ASXL2: variants seen among roughly 807,000 people sequenced by gnomAD.
ASXL2 encodes putative Polycomb group protein ASXL2.
ASXL2 carries 23 observed loss-of-function variants against 122.0 expected under a neutral mutation model. That is an observed-to-expected ratio of 0.19 (90% CI 0.14 to 0.27). The LOEUF is 0.27. ASXL2 is among the 10% of genes least tolerant of loss of function. The probability of loss-of-function intolerance (pLI) is 1.00; values close to 1 mark genes in which losing one functional copy is unlikely to be tolerated. For synonymous variants in ASXL2, 650 were observed against 637.0 expected (o/e 1.02, Z -0.31); for missense variants, 1,518 against 1,713.8 (o/e 0.89, Z 2.02).
chr2:25,777,219 C>G (rs575360787), intron 5 of ASXL2, among the ~76,000 whole-genome samples: 1 of 152,244 alleles, frequency 6.6e-6, no homozygotes, highest in South Asian at 2.1e-4. Context: ...TCCTGAGTAG[C>G]TGGGACCACA....
At chr2:25,782,735 A>C (rs2088665798) in intron 5 of ASXL2, among the ~76,000 whole-genome samples, 1 of 152,298 alleles carries the variant, frequency 6.6e-6, no homozygotes, top group South Asian at 2.1e-4. Context: ...TTGAGCATAA[A>C]ATTTATTCAA....
intron 3 of ASXL2, among the ~76,000 whole-genome samples, chr2:25,823,868 T>C (rs1171265076): frequency 1.3e-5 from 2 of 152,182 alleles, no homozygotes; most frequent in African/African-American, 2.4e-5. Context: ...TCTGGCTTAC[T>C]GTAATTTTTA....
chr2:25,855,643 G>A (rs1379169750), intron 1 of ASXL2, among the ~76,000 whole-genome samples: 2 of 151,984 alleles, frequency 1.3e-5, no homozygotes, highest in Non-Finnish European at 2.9e-5. Context: ...TCCAGGCTGG[G>A]CGACAGAGTG....
At chr2:25,877,271 A>G (rs1349682241) in intron 1 of ASXL2, among the ~76,000 whole-genome samples, 1 of 152,208 alleles carries the variant, frequency 6.6e-6, no homozygotes, top group African/African-American at 2.4e-5. Context: ...TCAACGATGT[A>G]TGAACTTCAC....
intron 5 of ASXL2, among the ~76,000 whole-genome samples, chr2:25,791,400 T>G (rs999266135): frequency 2.7e-5 from 4 of 150,744 alleles, no homozygotes. Flanking sequence ...GGCAGGAGAA[T>G]AGCTTGAACC....
At chr2:25,829,030 TC>T (rs2089416464) in intron 3 of ASXL2, among the ~76,000 whole-genome samples, 2 of 152,118 alleles carry the variant, frequency 1.3e-5, no homozygotes, top group Non-Finnish European at 2.9e-5. Flanking sequence ...GTGAATGGAC[TC>T]CCATCTTAGT....
At chr2:25,860,087 C>A (rs533832868) in intron 1 of ASXL2, among the ~76,000 whole-genome samples, 32 of 152,020 alleles carry the variant, frequency 2.1e-4, no homozygotes, top group African/African-American at 7.7e-4. Flanking sequence ...TTTGGGAGGC[C>A]GAGGCGGCCG....
chr2:25,810,668 AG>A, intron 3 of ASXL2: 1 of 752,230 alleles, frequency 1.3e-6, no homozygotes, highest in South Asian at 1.4e-5. Context: ...GTGCCCACCC[AG>A]CTACTGCTCA....
intron 5 of ASXL2, among the ~76,000 whole-genome samples, chr2:25,775,185 T>C (rs987922930): frequency 6.6e-6 from 1 of 152,132 alleles, no homozygotes; most frequent in Non-Finnish European, 1.5e-5. Flanking sequence ...TGGAGTGCAA[T>C]GGCACAATCT....
rs1436901486 is a variant in ASXL2, at chr2:25,749,869, G to T, written c.1687C>A (p.Pro563Thr). ...GAAGACTTCCTCTTGAGGCTTTCTGGGCTCTGATCAACAAGAGTTGCTAGA... is the reference window on the plus strand; with the variant it reads ...GAAGACTTCCTCTTGAGGCTTTCTGTGCTCTGATCAACAAGAGTTGCTAGA... ...EPLATLVDQS[P>T]ESLKRKSSLT... Residue 563 changes from proline to threonine, a missense_variant, in exon 12 of 13, where the codon CCA (proline) becomes ACA (threonine). This residue lies in a region of ASXL2 where 292 missense variants were observed against 293.5 expected (regional missense o/e 1.00). Coordinates refer to ENST00000435504, the MANE Select transcript of ASXL2 (RefSeq NM_018263.6). 6.2e-7 allele frequency: 1 copy of T among 1,610,742 alleles called. No homozygotes were observed.
At position 25,822,943 on chromosome 2, in the gene ASXL2, G is replaced by A. The variant is rs750760891; in HGVS notation, c.143+12595C>T. On this transcript the variant is annotated intron_variant, in intron 3 of 12. Coordinates refer to ENST00000435504, the MANE Select transcript of ASXL2 (RefSeq NM_018263.6). ...AGCGATGATGAAAAAATGCCAGATC[G>A]GGAGTAAGGAATACTGTCATCACCT... 8 of 527,694 alleles carry A rather than the reference G, an allele frequency of 1.5e-5. No individual in the cohort carries two copies. In the African/African-American group the frequency reaches 1.6e-4, roughly 10 times the overall value. 32.7% of individuals were successfully genotyped at this position (527,694 alleles called of 1,614,324 possible).
intron 4 of ASXL2, 45 bp from the exon 5 acceptor site, chr2:25,799,580 G>A (rs1357079999): frequency 9.7e-6 from 15 of 1,545,068 alleles, no homozygotes; most frequent in Non-Finnish European, 1.2e-5. Context: ...TACCATTTAA[G>A]CAAACAGAAA....
intron 9 of ASXL2, among the ~76,000 whole-genome samples, chr2:25,757,920 A>C (rs1171382194): frequency 1.4e-4 from 4 of 29,208 alleles, no homozygotes; most frequent in African/African-American, 8.2e-4. Context: ...TGAGTCTTTA[A>C]CAAAAAAAAA....
chr2:25,742,345 A>G lies in ASXL2; in HGVS notation c.3992T>C (p.Ile1331Thr), dbSNP rs1559497398. Residue 1331 changes from isoleucine to threonine, a missense_variant, in exon 13 of 13, where the codon ATC becomes ACC. Ile to Thr is a moderately conservative substitution (Grantham distance 89, BLOSUM62 -1). Around this residue, in one of 8 missense-constraint regions of ASXL2, gnomAD observed 831 missense variants for 833.1 expected, o/e 1.00. Coordinates refer to ENST00000435504, the MANE Select transcript of ASXL2 (RefSeq NM_018263.6). ...CATGTCAGATGAGGTGGAGACATTG[A>G]TCATGCCTCTATAGCTTGGCCCTAT... ...TQIGPSYRGM[I>T]NVSTSSDMDH... 6.2e-7 allele frequency: 1 copy of G among 1,602,350 alleles called. No homozygotes were observed. The highest frequency in any genetic ancestry group is 1.1e-5 in the South Asian group (1 of 90,746).
chr2:25,808,021 A>ACACACACACACACACACACT (rs766637532), intron 3 of ASXL2, among the ~76,000 whole-genome samples: 9 of 148,516 alleles, frequency 6.1e-5, no homozygotes, highest in African/African-American at 1.5e-4. Context: ...ACACACACAC[A>ACACACACACACACACACACT]CTCTCCACCC....
At chr2:25,806,828 T>C (rs2089090224) in intron 3 of ASXL2, among the ~76,000 whole-genome samples, 2 of 152,168 alleles carry the variant, frequency 1.3e-5, no homozygotes, top group African/African-American at 4.8e-5. Flanking sequence ...AGTAGGCTTC[T>C]GAATATTTAT....
At chr2:25,820,296 T>A (rs771569318) in intron 3 of ASXL2, among the ~76,000 whole-genome samples, 11 of 152,186 alleles carry the variant, frequency 7.2e-5, no homozygotes, top group Non-Finnish European at 1.3e-4. Context: ...ATTAGACAGA[T>A]GTTAACATCT....
chr2:25,871,841 C>T (rs965861531), intron 1 of ASXL2, among the ~76,000 whole-genome samples: 9 of 152,338 alleles, frequency 5.9e-5, no homozygotes, highest in South Asian at 2.1e-4. Context: ...AAAAGTGTTA[C>T]ATCAAGTCAC....
intron 8 of ASXL2, among the ~76,000 whole-genome samples, chr2:25,765,555 G>A (rs531888584): frequency 6.6e-6 from 1 of 151,892 alleles, no homozygotes; most frequent in South Asian, 2.1e-4. Context: ...TTCCCTTTAC[G>A]CTCATTTGCT....
Sources: allele counts gnomAD v4.1 joint callset (sites outside exome capture counted in the v4.1 genomes callset), GRCh38; gene constraint gnomAD v4.1.1; regional missense constraint gnomAD v4.1.1; transcripts MANE v1.5; gene names NCBI Gene and HGNC (gene_info 2026-07-23, HGNC 2026-07-21).